Variants in LGSN observed in about 807,000 individuals in gnomAD.
The protein encoded by LGSN is lengsin, lens protein with glutamine synthetase domain.
LGSN carries 21 observed loss-of-function variants against 19.5 expected under a neutral mutation model. That is an observed-to-expected ratio of 1.07 (90% CI 0.76 to 1.55). LGSN has a LOEUF of 1.55. Ranked by LOEUF, LGSN falls within the 40% of genes most tolerant of loss-of-function variation. The pLI is 0.00. For synonymous variants in LGSN, 257 were observed against 215.6 expected (o/e 1.19, Z -1.68); for missense variants, 673 against 608.5 (o/e 1.11, Z -1.12).
the LGSN span, among the ~76,000 whole-genome samples, chr6:63,404,962 C>A: frequency 8.2e-6 from 1 of 121,622 alleles, no homozygotes; most frequent in Non-Finnish European, 1.7e-5. Context: ...CCCCGCCCCC[C>A]ACCCCACAAC....
chr6:63,330,971 G>T, the LGSN span, among the ~76,000 whole-genome samples: 1 of 152,180 alleles, frequency 6.6e-6, no homozygotes, highest in Non-Finnish European at 1.5e-5. Context: ...ACTTCCCCAG[G>T]TCTGCCTTGA....
At chr6:63,492,889 T>C in the LGSN span, among the ~76,000 whole-genome samples, 1 of 152,352 alleles carries the variant, frequency 6.6e-6, no homozygotes, top group South Asian at 2.1e-4. Flanking sequence ...CGAAGTTATA[T>C]GGCTTACAGG....
the LGSN span, among the ~76,000 whole-genome samples, chr6:63,566,128 G>A: frequency 7.8e-3 from 1,190 of 152,330 alleles, 10 homozygotes; most frequent in African/African-American, 0.027. Flanking sequence ...CATAGCTGGA[G>A]TTGCCTTAAA....
At chr6:63,406,428 C>G in the LGSN span, among the ~76,000 whole-genome samples, 1 of 151,808 alleles carries the variant, frequency 6.6e-6, no homozygotes, top group Non-Finnish European at 1.5e-5. Flanking sequence ...TGAATGACTA[C>G]TGGGTACATA....
chr6:63,449,277 A>G, the LGSN span, among the ~76,000 whole-genome samples: 911 of 152,208 alleles, frequency 6.0e-3, 12 homozygotes, highest in African/African-American at 0.021. Context: ...AGAAAAAGAC[A>G]GGCTGGGCGC....
the LGSN span, among the ~76,000 whole-genome samples, chr6:63,547,377 A>T: frequency 2.7e-5 from 4 of 150,410 alleles, no homozygotes; most frequent in Non-Finnish European, 5.9e-5. Flanking sequence ...TTTAGTAGAG[A>T]TAGGATTTCA....
chr6:63,334,911 G>A, the LGSN span, among the ~76,000 whole-genome samples: 1 of 152,024 alleles, frequency 6.6e-6, no homozygotes, highest in African/African-American at 2.4e-5. Flanking sequence ...GGCTGAGGAG[G>A]ATGGATCACA....
upstream of LGSN, among the ~76,000 whole-genome samples, chr6:63,321,601 A>C (rs897525494): frequency 6.6e-6 from 1 of 152,004 alleles, no homozygotes; most frequent in Non-Finnish European, 1.5e-5. Context: ...TGATTTGCCC[A>C]TTTTTGTAAA....
At chr6:63,545,248 C>T in the LGSN span, among the ~76,000 whole-genome samples, 1 of 152,188 alleles carries the variant, frequency 6.6e-6, no homozygotes, top group African/African-American at 2.4e-5. Context: ...TTTTGGTGTC[C>T]TTTTCATGTC....
chr6:63,531,092 T>G, the LGSN span, among the ~76,000 whole-genome samples: 2 of 152,304 alleles, frequency 1.3e-5, no homozygotes, highest in East Asian at 1.9e-4. Context: ...CAAAGATAGA[T>G]CAGGTTTCAA....
intron 2 of LGSN, among the ~76,000 whole-genome samples, chr6:63,286,894 G>A (rs1767561807): frequency 6.6e-6 from 1 of 152,128 alleles, no homozygotes; most frequent in South Asian, 2.1e-4. Context: ...ACAGTTATTG[G>A]CAGACAGTAA....
chr6:63,366,327 C>A, the LGSN span, among the ~76,000 whole-genome samples: 19,769 of 152,058 alleles, frequency 0.13, 2,832 homozygotes, highest in African/African-American at 0.36. Flanking sequence ...CAAGAGTGAA[C>A]TCCCACTCAC....
intron 3 of LGSN, among the ~76,000 whole-genome samples, 184 bp downstream of exon 3, chr6:63,285,403 A>T (rs1767483959): frequency 6.6e-6 from 1 of 152,240 alleles, no homozygotes; most frequent in South Asian, 2.1e-4. Context: ...AGCTGAGAGT[A>T]CATGTTTAGC....
chr6:63,535,789 A>G, the LGSN span, among the ~76,000 whole-genome samples: 5 of 152,242 alleles, frequency 3.3e-5, no homozygotes, highest in African/African-American at 7.2e-5. Flanking sequence ...ATCAATAGCT[A>G]TATTTAGGCT....
the LGSN span, among the ~76,000 whole-genome samples, chr6:63,370,453 T>C: frequency 2.6e-5 from 4 of 152,328 alleles, no homozygotes; most frequent in Admixed American, 6.5e-5. Flanking sequence ...CCCACACTCA[T>C]GTAAGCCTAT....
the LGSN span, among the ~76,000 whole-genome samples, chr6:63,551,007 A>C: frequency 6.6e-6 from 1 of 151,994 alleles, no homozygotes; most frequent in Non-Finnish European, 1.5e-5. Flanking sequence ...TGGACCTCTT[A>C]GAAAATGTTG....
chr6:63,366,108 G>A, the LGSN span, among the ~76,000 whole-genome samples: 2 of 152,114 alleles, frequency 1.3e-5, no homozygotes, highest in African/African-American at 4.8e-5. Context: ...GCAGGAGAAA[G>A]AAAGAAAGGG....
At chr6:63,390,719 C>T in the LGSN span, among the ~76,000 whole-genome samples, 19 of 151,416 alleles carry the variant, frequency 1.3e-4, no homozygotes, top group Admixed American at 7.2e-4. Flanking sequence ...AGTAGCCGGG[C>T]GAGGTGGCGG....
At chr6:63,445,203 C>T in the LGSN span, among the ~76,000 whole-genome samples, 1 of 151,836 alleles carries the variant, frequency 6.6e-6, no homozygotes, top group Non-Finnish European at 1.5e-5. Context: ...CCCAGCTACT[C>T]AGGAGGCTGA....
Sources: allele counts gnomAD v4.1 joint callset (sites outside exome capture counted in the v4.1 genomes callset), GRCh38; gene constraint gnomAD v4.1.1; transcripts MANE v1.5; gene names NCBI Gene and HGNC (gene_info 2026-07-23, HGNC 2026-07-21).